Variants in ADAT1 observed in about 807,000 individuals in gnomAD.
ADAT1 encodes the protein tRNA-specific adenosine deaminase 1.
Under a neutral mutation model 58.6 loss-of-function variants are expected in ADAT1, and 58 were observed. The observed-to-expected ratio is 0.99, with a 90% CI of 0.80 to 1.23. ADAT1 has a LOEUF of 1.23. Ranked by LOEUF, ADAT1 falls within the 50% of genes most tolerant of loss-of-function variation. The pLI is 0.00. For missense variants in ADAT1, 741 were observed against 608.6 expected (o/e 1.22, Z -2.29); for synonymous variants, 254 against 220.8 (o/e 1.15, Z -1.33).
chr16:75,612,646 G>A lies in ADAT1; in HGVS notation c.640C>T (p.His214Tyr). Reference sequence around the variant, plus strand: ...TTCTGCTTGCCAAAACTCTGATGGTGAGCTGCTCCGTTGGTGACCTCCCTG... The same window carrying A: ...TTCTGCTTGCCAAAACTCTGATGGTAAGCTGCTCCGTTGGTGACCTCCCTG... ...AAREVTNGAA[H>Y]HQSFGKQKSG... The change falls in exon 6 of 10, where the codon CAC (histidine) becomes TAC (tyrosine). Residue 214 changes from histidine (H) to tyrosine (Y), a missense_variant. His to Tyr is a moderately conservative substitution (Grantham distance 83, BLOSUM62 2). Transcript: ENST00000564657. 6.2e-7 allele frequency: 1 copy of A among 1,614,068 alleles called. No individual in the cohort carries two copies. The highest frequency in any genetic ancestry group is 8.5e-7 in the Non-Finnish European group (1 of 1,180,030).
chr16:75,614,935 C>T (rs1164986394), intron 5 of ADAT1, among the ~76,000 whole-genome samples: 1 of 151,958 alleles, frequency 6.6e-6, no homozygotes, highest in African/African-American at 2.4e-5. Context: ...TTAAAAATCT[C>T]AATTACCGGC....
intron 2 of ADAT1, 141 bp downstream of exon 2, chr16:75,620,490 C>G (rs2081896811): frequency 7.2e-7 from 1 of 1,388,602 alleles, no homozygotes; most frequent in African/African-American, 1.4e-5. Context: ...ATCAGAGGTA[C>G]TGCGTCACCT....
intron 9 of ADAT1, among the ~76,000 whole-genome samples, chr16:75,601,323 C>G (rs144008001): frequency 6.6e-6 from 1 of 150,902 alleles, no homozygotes; most frequent in East Asian, 1.9e-4. Context: ...GACTGGGCGA[C>G]AGAGCAAGAC....
chr16:75,605,444 G>A (rs1209472692), intron 8 of ADAT1, among the ~76,000 whole-genome samples: 1 of 151,970 alleles, frequency 6.6e-6, no homozygotes, highest in Non-Finnish European at 1.5e-5. Context: ...TTTATTTTAA[G>A]AATATGTATA....
intron 1 of ADAT1, 68 bp from the exon 2 acceptor site, chr16:75,620,888 A>T (rs1444021101): frequency 7.4e-7 from 1 of 1,346,378 alleles, no homozygotes; most frequent in East Asian, 2.4e-5. Context: ...ACAGCCTCTC[A>T]TATCCATGCT....
chr16:75,620,814 T>C lies in ADAT1; in HGVS notation c.-15A>G. ...GCGGTCCACATGGTCTGAGCTGGTA[T>C]TGAGACCTTGATCAAAAACCACAAC... On this transcript the variant is annotated 5_prime_UTR_variant, in exon 2 of 10. Coordinates refer to ENST00000564657, the MANE Select transcript of ADAT1 (RefSeq NM_001324445.2). 5.6e-6 allele frequency: 9 copies of C among 1,598,758 alleles called. No individual in the cohort carries two copies. The highest frequency in any genetic ancestry group is 6.8e-6 in the Non-Finnish European group (8 of 1,168,600).
intron 9 of ADAT1, among the ~76,000 whole-genome samples, chr16:75,602,564 G>C (rs1340546625): frequency 6.6e-6 from 1 of 152,160 alleles, no homozygotes; most frequent in Admixed American, 6.5e-5. Context: ...GTAGTTGTTT[G>C]AAATGAAGAC....
chr16:75,617,096 G>T (rs2081755003), intron 5 of ADAT1, 46 bp downstream of exon 5: 1 of 1,566,580 alleles, frequency 6.4e-7, no homozygotes, highest in Admixed American at 1.8e-5. Context: ...ACAAACATAA[G>T]GAAGTAGTTC....
chr16:75,605,886 A>G (rs1347457601), intron 8 of ADAT1, among the ~76,000 whole-genome samples: 2 of 150,840 alleles, frequency 1.3e-5, no homozygotes, highest in African/African-American at 4.9e-5. Context: ...GCAGTGAGCC[A>G]AGATCGTGCT....
At chr16:75,616,352 A>T (rs1699289639) in intron 5 of ADAT1, among the ~76,000 whole-genome samples, 1 of 150,460 alleles carries the variant, frequency 6.6e-6, no homozygotes, top group Non-Finnish European at 1.5e-5. Flanking sequence ...TTGAGTTATG[A>T]TCAAATCTAC....
In ADAT1 at chr16:75,617,133, T is replaced by G; in HGVS notation, c.424+9A>C. On this transcript the variant is annotated intron_variant, in intron 5 of 9. Transcript: ENST00000564657. ...TGTAACATTAATCCAAAGGCTTGAATATACTTACAGGGTGTATGGCTGGAG... is the reference window on the plus strand; with the variant it reads ...TGTAACATTAATCCAAAGGCTTGAAGATACTTACAGGGTGTATGGCTGGAG... The G allele has an allele frequency of 8.1e-6, 13 of 1,605,184 alleles. No individual in the cohort carries two copies. The highest frequency in any genetic ancestry group is 1.0e-5 in the Non-Finnish European group (12 of 1,173,088).
At chr16:75,620,565 A>G (rs943284087) in intron 2 of ADAT1, 66 bp downstream of exon 2, 1 of 1,557,262 alleles carries the variant, frequency 6.4e-7, no homozygotes, top group Non-Finnish European at 8.8e-7. Flanking sequence ...GTACCCTCAC[A>G]GTACAGCAAT....
intron 1 of ADAT1, 44 bp from the exon 2 acceptor site, chr16:75,620,864 C>T (rs2081912537): frequency 6.5e-7 from 1 of 1,539,410 alleles, no homozygotes; most frequent in Non-Finnish European, 8.8e-7. Context: ...AAAGGAGAAC[C>T]AGTGCACGAT....
rs528644892 is a variant in ADAT1 at position 75,617,398 on chromosome 16, G to A, written c.294-126C>T. On this transcript the variant is annotated intron_variant, in intron 4 of 9. Transcript: ENST00000564657. ...GGGACTGGTAGTGATGGGGAATTAT[G>A]AGAATGCTCTAGACCAGTGATTCTC... 6.4e-5 allele frequency: 67 copies of A among 1,051,608 alleles called. No individual in the cohort carries two copies. In the South Asian group the frequency reaches 1.1e-3, roughly 17 times the overall value. 65.1% of individuals were successfully genotyped at this position (1,051,608 alleles called of 1,614,324 possible).
chr16:75,604,456 A>AAAAAAAAAAAATATAT (rs1555508674), intron 8 of ADAT1, among the ~76,000 whole-genome samples: 1 of 48,786 alleles, frequency 2.0e-5, no homozygotes, highest in African/African-American at 1.4e-4. Context: ...AAAAAAAAAA[A>AAAAAAAAAAAATATAT]ATATATATAT....
At chr16:75,604,766 G>A (rs1001192915) in intron 8 of ADAT1, among the ~76,000 whole-genome samples, 2 of 152,002 alleles carry the variant, frequency 1.3e-5, no homozygotes, top group African/African-American at 4.8e-5. Context: ...GGACAGAAAA[G>A]AAAGAAAAGT....
chr16:75,601,739 C>T (rs1340141803), intron 9 of ADAT1: 1 of 152,182 alleles, frequency 6.6e-6, no homozygotes, highest in Non-Finnish European at 1.5e-5. Flanking sequence ...GCCTGGTTAA[C>T]AGGAGCAAAA....
intron 1 of ADAT1, among the ~76,000 whole-genome samples, chr16:75,621,613 G>T (rs937005720): frequency 8.5e-5 from 13 of 152,050 alleles, no homozygotes; most frequent in Non-Finnish European, 1.3e-4. Flanking sequence ...CATAATTAAG[G>T]TCAACTGTGA....
chr16:75,604,639 T>C (rs900074409), intron 8 of ADAT1, among the ~76,000 whole-genome samples: 7 of 151,438 alleles, frequency 4.6e-5, no homozygotes, highest in Non-Finnish European at 1.0e-4. Context: ...CTTAAATTTA[T>C]AAAGCGCAAC....
Sources: allele counts gnomAD v4.1 joint callset (sites outside exome capture counted in the v4.1 genomes callset), GRCh38; gene constraint gnomAD v4.1.1; transcripts MANE v1.5; gene names NCBI Gene and HGNC (gene_info 2026-07-23, HGNC 2026-07-21).